The following MSL2 variants were observed in gnomAD, a reference collection of about 807,000 sequenced individuals.
MSL2 encodes the protein MSL complex subunit 2, also known as E3 ubiquitin-protein ligase MSL2.
Under a neutral mutation model 35.8 loss-of-function variants are expected in MSL2, and 2 were observed. The ratio of observed to expected loss-of-function variants is 0.06; its 90% CI spans 0.02 to 0.18. MSL2 has a LOEUF of 0.18. Among genes scored for constraint, MSL2 ranks in the 10% least tolerant of loss-of-function variants. MSL2 has a pLI of 1.00. For missense variants in MSL2, 523 were observed against 706.7 expected (o/e 0.74, Z 2.95); for synonymous variants, 296 against 255.7 (o/e 1.16, Z -1.50).
chr3:136,162,611 G>C (rs1424321822), intron 1 of MSL2, among the ~76,000 whole-genome samples: 1 of 152,120 alleles, frequency 6.6e-6, no homozygotes, highest in East Asian at 1.9e-4. Flanking sequence ...CCAATTAGGA[G>C]GGAGAGACAG....
intron 1 of MSL2, among the ~76,000 whole-genome samples, chr3:136,190,070 G>A (rs984536477): frequency 2.6e-5 from 4 of 152,068 alleles, no homozygotes; most frequent in Non-Finnish European, 5.9e-5. Context: ...AACATAGCAA[G>A]ACCCTGTCTC....
intron 1 of MSL2, chr3:136,194,440 G>A (rs1940777247): frequency 2.0e-6 from 2 of 985,514 alleles, no homozygotes; most frequent in Non-Finnish European, 1.2e-6. Context: ...CCGGCTCGCT[G>A]TTAACCGTCA....
At chr3:136,156,615 A>G (rs950351883) in intron 1 of MSL2, among the ~76,000 whole-genome samples, 1 of 152,170 alleles carries the variant, frequency 6.6e-6, no homozygotes, top group African/African-American at 2.4e-5. Flanking sequence ...CCTGTAATCC[A>G]GCACCTTGGG....
chr3:136,186,042 C>A (rs1297867042), intron 1 of MSL2, among the ~76,000 whole-genome samples: 1 of 152,148 alleles, frequency 6.6e-6, no homozygotes, highest in Non-Finnish European at 1.5e-5. Context: ...ACAACCATAT[C>A]GCTAAAAATC....
At chr3:136,180,211 A>C (rs978092205) in intron 1 of MSL2, among the ~76,000 whole-genome samples, 1 of 152,164 alleles carries the variant, frequency 6.6e-6, no homozygotes, top group Non-Finnish European at 1.5e-5. Context: ...TTTCCGACTA[A>C]AATTTTTTTT....
chr3:136,165,149 T>C (rs1243473208), intron 1 of MSL2, among the ~76,000 whole-genome samples: 1 of 147,280 alleles, frequency 6.8e-6, no homozygotes, highest in Non-Finnish European at 1.5e-5. Context: ...GTGCTGGGAT[T>C]ACAGGCATGA....
At chr3:136,160,433 A>G (rs1343603902) in intron 1 of MSL2, among the ~76,000 whole-genome samples, 8 of 151,456 alleles carry the variant, frequency 5.3e-5, no homozygotes, top group Non-Finnish European at 1.2e-4. Context: ...ATTAAAAAAA[A>G]AAAAACAATG....
At chr3:136,184,714 A>T (rs1940463802) in intron 1 of MSL2, among the ~76,000 whole-genome samples, 1 of 133,878 alleles carries the variant, frequency 7.5e-6, no homozygotes, top group Non-Finnish European at 1.6e-5. Flanking sequence ...CCGAATTCTT[A>T]CAGGAGCAAG....
chr3:136,195,251 A>C lies in MSL2; in HGVS notation c.-138T>G. 2.7e-6 allele frequency: 4 copies of C among 1,488,842 alleles called. No individual in the cohort carries two copies. The highest frequency in any genetic ancestry group is 3.6e-6 in the Non-Finnish European group (4 of 1,124,858). The allele number at this position is 1,488,842 out of a possible 1,614,324, so 92.2% of individuals were successfully genotyped here. ...GAACCATTGGCCAAACAAGTAACCA[A>C]AATCCGTGCAAGTTTGTGGAGCTGA... is the stretch of plus-strand genomic sequence containing the variant. On this transcript the variant is annotated 5_prime_UTR_variant, in exon 1 of 2. Transcript: ENST00000309993.
At chr3:136,184,434 T>C (rs894149387) in intron 1 of MSL2, among the ~76,000 whole-genome samples, 15 of 150,936 alleles carry the variant, frequency 9.9e-5, no homozygotes, top group African/African-American at 3.4e-4. Context: ...AACCCGTCTC[T>C]ATAAAAACAC....
At chr3:136,185,014 G>A (rs151013770) in intron 1 of MSL2, among the ~76,000 whole-genome samples, 78 of 152,150 alleles carry the variant, frequency 5.1e-4, no homozygotes, top group African/African-American at 1.7e-3. Flanking sequence ...TTGCTCTGTA[G>A]CCCAGGCTGG....
At chr3:136,180,613 T>C (rs1048798315) in intron 1 of MSL2, among the ~76,000 whole-genome samples, 2 of 150,674 alleles carry the variant, frequency 1.3e-5, no homozygotes, top group Non-Finnish European at 3.0e-5. Context: ...GGCAGGAGAA[T>C]TGCTGGAACC....
At chr3:136,166,134 A>G (rs892080930) in intron 1 of MSL2, among the ~76,000 whole-genome samples, 2 of 151,382 alleles carry the variant, frequency 1.3e-5, no homozygotes, top group Non-Finnish European at 2.9e-5. Flanking sequence ...CACACCTGTA[A>G]TCCCAGTACT....
chr3:136,156,354 G>A (rs1939521210), intron 1 of MSL2, among the ~76,000 whole-genome samples: 1 of 152,182 alleles, frequency 6.6e-6, no homozygotes, highest in South Asian at 2.1e-4. Context: ...GCAAATGGGA[G>A]AGGGAGGTTG....
rs1296574852 is a variant in MSL2 at position 136,151,828 on chromosome 3, T to C, written c.1053A>G (p.Lys351=). The C allele has an allele frequency of 2.5e-6, 4 of 1,614,094 alleles. No homozygotes were observed. Among genetic ancestry groups the C allele is most frequent in the East Asian group, 2.2e-5 (1 of 44,904 alleles). Residue 351 remains lysine, a synonymous_variant, in exon 2 of 2, where the codon AAA becomes AAG. Transcript: ENST00000309993. The surrounding 1 kb of genome is among the most constrained non-coding windows in gnomAD (Gnocchi z 5.2). ...KRSRSESDSE[K]VQPLPISTII... is the part of the protein sequence containing the mutation. ...TGGTAGAAATTGGAAGTGGCTGAAC[T>C]TTCTCACTGTCACTCTCTGATCTGG...
chr3:136,176,914 G>A (rs1011017149), intron 1 of MSL2, among the ~76,000 whole-genome samples: 1 of 152,078 alleles, frequency 6.6e-6, no homozygotes, highest in Non-Finnish European at 1.5e-5. Flanking sequence ...AACACAAACG[G>A]ACTTACACAT....
At chr3:136,188,767 C>T (rs1274675185) in intron 1 of MSL2, among the ~76,000 whole-genome samples, 1 of 148,932 alleles carries the variant, frequency 6.7e-6, no homozygotes, top group Non-Finnish European at 1.5e-5. Context: ...CACCACTTCT[C>T]TTGGCCCAGC....
intron 1 of MSL2, among the ~76,000 whole-genome samples, chr3:136,182,787 GATTA>G (rs1314617340): frequency 6.6e-6 from 1 of 151,698 alleles, no homozygotes; most frequent in Non-Finnish European, 1.5e-5. Flanking sequence ...GCTCAGTACT[GATTA>G]ATTAGCACAT....
chr3:136,156,343 A>G (rs957404131), intron 1 of MSL2, among the ~76,000 whole-genome samples: 1 of 152,176 alleles, frequency 6.6e-6, no homozygotes, highest in Non-Finnish European at 1.5e-5. Flanking sequence ...GGAAATGGGA[A>G]GCAAATGGGA....
Sources: allele counts gnomAD v4.1 joint callset (sites outside exome capture counted in the v4.1 genomes callset), GRCh38; gene constraint gnomAD v4.1.1; non-coding constraint Gnocchi (gnomAD v3.1); transcripts MANE v1.5; gene names NCBI Gene and HGNC (gene_info 2026-07-23, HGNC 2026-07-21).